Variants in RIMS1 observed in about 807,000 individuals in gnomAD.
The protein encoded by RIMS1 is regulating synaptic membrane exocytosis 1.
Under a neutral mutation model 214.1 loss-of-function variants are expected in RIMS1, and 83 were observed. The ratio of observed to expected loss-of-function variants is 0.39; its 90% CI spans 0.32 to 0.47. The LOEUF is 0.47. Among genes scored for constraint, RIMS1 ranks in the 20% least tolerant of loss-of-function variants. RIMS1 has a pLI of 0.99. For missense variants in RIMS1, 2,050 were observed against 2,161.8 expected (o/e 0.95, Z 1.03); for synonymous variants, 793 against 786.8 (o/e 1.01, Z -0.13).
At chr6:71,900,606 G>T (rs1773303787) in intron 1 of RIMS1, among the ~76,000 whole-genome samples, 1 of 151,868 alleles carries the variant, frequency 6.6e-6, no homozygotes, top group Non-Finnish European at 1.5e-5. Flanking sequence ...AGAGAGATTT[G>T]GGAAGCAAAA....
At chr6:72,180,291 C>A (rs1405937457) in intron 5 of RIMS1, among the ~76,000 whole-genome samples, 2 of 152,158 alleles carry the variant, frequency 1.3e-5, no homozygotes, top group Non-Finnish European at 2.9e-5. Context: ...AGTATGTGGA[C>A]ACATCAGAGA....
chr6:72,026,452 A>ACCCCCC (rs1816507218), intron 2 of RIMS1, among the ~76,000 whole-genome samples: 1 of 60,216 alleles, frequency 1.7e-5, no homozygotes, highest in African/African-American at 5.3e-5. Flanking sequence ...CTCCCCCAGC[A>ACCCCCC]CCGCCCCCCC....
chr6:72,180,483 G>A (rs940775291), intron 5 of RIMS1, among the ~76,000 whole-genome samples: 1 of 152,216 alleles, frequency 6.6e-6, no homozygotes, highest in Non-Finnish European at 1.5e-5. Flanking sequence ...CAGAGGCAAT[G>A]TGGAGGAGAA....
chr6:72,105,437 C>T (rs1367948982), intron 4 of RIMS1, among the ~76,000 whole-genome samples: 1 of 152,062 alleles, frequency 6.6e-6, no homozygotes, highest in African/African-American at 2.4e-5. Flanking sequence ...AATTGCATTT[C>T]ATCACTAAGC....
At chr6:72,330,993 T>C (rs1315570321) in intron 28 of RIMS1, among the ~76,000 whole-genome samples, 1 of 151,776 alleles carries the variant, frequency 6.6e-6, no homozygotes, top group African/African-American at 2.4e-5. Flanking sequence ...ATTTTTCATA[T>C]AACTTAACCC....
intron 2 of RIMS1, among the ~76,000 whole-genome samples, chr6:72,062,930 G>A (rs1396930190): frequency 1.3e-5 from 2 of 151,958 alleles, no homozygotes; most frequent in Admixed American, 6.6e-5. Flanking sequence ...AATGGATTAG[G>A]GCTCTCTCTA....
chr6:72,231,994 A>G (rs2062147083), intron 6 of RIMS1, among the ~76,000 whole-genome samples: 1 of 151,724 alleles, frequency 6.6e-6, no homozygotes, highest in South Asian at 2.1e-4. Context: ...GACCTAAGTC[A>G]GGTTATTGAG....
In RIMS1 at chr6:71,897,309, C is replaced by G. The variant is rs551233482; in HGVS notation, c.164+10122C>G. Among the ~76,000 whole-genome samples the G allele has an allele frequency of 5.0e-4, 76 of 152,236 alleles. 1 individual carries two copies. The South Asian group carries it at 0.012, about 24-fold the overall frequency. ...AAATTCCTCCCATCTGATCTGATCT[C>G]CACATTGCTGCCAGAGGAATCTTTC... On this transcript the variant is annotated intron_variant, in intron 1 of 33. Coordinates refer to ENST00000521978, the MANE Select transcript of RIMS1 (RefSeq NM_014989.7).
At chr6:72,299,137 T>A (rs2094380861) in intron 26 of RIMS1, among the ~76,000 whole-genome samples, 1 of 151,904 alleles carries the variant, frequency 6.6e-6, no homozygotes, top group African/African-American at 2.4e-5. Flanking sequence ...AATAATGATA[T>A]AAGAAGATCA....
chr6:72,238,909 AT>A (rs919312973), intron 9 of RIMS1, among the ~76,000 whole-genome samples: 6 of 150,134 alleles, frequency 4.0e-5, no homozygotes, highest in Admixed American at 6.6e-5. Flanking sequence ...AATCATTTTC[AT>A]TTTTTTTTTA....
rs1180957166 is a variant in RIMS1, at chr6:72,182,784, C to T, written c.1313C>T (p.Ala438Val). The T allele has an allele frequency of 4.5e-6, 7 of 1,545,446 alleles. No homozygotes were observed. Among genetic ancestry groups the T allele is most frequent in the South Asian group, 2.4e-5 (2 of 84,268 alleles). ...YSAERTAETR[A>V]PGAKQLTNHS... ...GCTGAGAGAACTGCGGAGACCAGGGCGCCGGGCGCCAAGCAGCTAACGAAC... is the reference window on the plus strand; with the variant it reads ...GCTGAGAGAACTGCGGAGACCAGGGTGCCGGGCGCCAAGCAGCTAACGAAC... The change falls in exon 6 of 34, where the codon GCG becomes GTG. Residue 438 changes from alanine to valine, a missense_variant. This residue lies in a region of RIMS1 where 882 missense variants were observed against 828.9 expected (regional missense o/e 1.06). Coordinates refer to ENST00000521978, the MANE Select transcript of RIMS1 (RefSeq NM_014989.7).
At chr6:72,345,708 C>T (rs1426703108) in intron 29 of RIMS1, among the ~76,000 whole-genome samples, 2 of 151,750 alleles carry the variant, frequency 1.3e-5, no homozygotes, top group Non-Finnish European at 2.9e-5. Context: ...CCACTTAGTA[C>T]ACCATCACGG....
At chr6:71,917,367 C>G (rs1343213536) in intron 1 of RIMS1, among the ~76,000 whole-genome samples, 2 of 151,964 alleles carry the variant, frequency 1.3e-5, no homozygotes, top group African/African-American at 2.4e-5. Context: ...TGAGCCAAAA[C>G]CTGAATGAAA....
chr6:72,226,514 A>G (rs1209447542), intron 6 of RIMS1, among the ~76,000 whole-genome samples: 1 of 152,022 alleles, frequency 6.6e-6, no homozygotes, highest in African/African-American at 2.4e-5. Context: ...ACTACCATCA[A>G]TCCTGCTATT....
At chr6:71,932,710 A>G (rs745380773) in intron 1 of RIMS1, among the ~76,000 whole-genome samples, 6 of 152,132 alleles carry the variant, frequency 3.9e-5, no homozygotes, top group Non-Finnish European at 7.4e-5. Context: ...TCCTGGGCTT[A>G]AGCAATCCTT....
At chr6:71,935,453 CAA>C (rs1392306974) in intron 1 of RIMS1, among the ~76,000 whole-genome samples, 6 of 151,950 alleles carry the variant, frequency 3.9e-5, no homozygotes, top group African/African-American at 1.4e-4. Flanking sequence ...AAGAAAAAAA[CAA>C]AAAATTTATA....
intron 4 of RIMS1, among the ~76,000 whole-genome samples, chr6:72,177,110 T>C (rs2047819545): frequency 6.6e-6 from 1 of 152,240 alleles, no homozygotes; most frequent in Admixed American, 6.5e-5. Context: ...TTGTGCTCCT[T>C]TCTGCTTCTT....
chr6:71,895,224 A>G (rs1286207368), intron 1 of RIMS1, among the ~76,000 whole-genome samples: 1 of 152,254 alleles, frequency 6.6e-6, no homozygotes, highest in African/African-American at 2.4e-5. Flanking sequence ...ACATACCTAC[A>G]TATGGCTTTC....
intron 32 of RIMS1, 22 bp downstream of exon 32, chr6:72,398,372 T>C: frequency 6.9e-7 from 1 of 1,447,576 alleles, no homozygotes; most frequent in Non-Finnish European, 9.6e-7. Flanking sequence ...TATTCCTGAA[T>C]TTGGTGAAGG....
Sources: gnomAD v4.1 joint callset for allele counts (sites outside exome capture counted in the v4.1 genomes callset) on GRCh38, gnomAD v4.1.1 for gene constraint, gnomAD v4.1.1 regional missense constraint, MANE v1.5 for transcripts, NCBI Gene and HGNC (gene_info 2026-07-23, HGNC 2026-07-21) for gene names.